Variants in PRSS35 observed in about 807,000 individuals in gnomAD.
The protein encoded by PRSS35 is serine protease 35, also known as inactive serine protease 35.
A neutral mutation model predicts 8.1 loss-of-function variants in PRSS35; 7 were observed. That is an observed-to-expected ratio of 0.86 (90% CI 0.49 to 1.62). PRSS35 has a LOEUF of 1.62. Among genes scored for constraint, PRSS35 ranks in the 40% most tolerant of loss-of-function variants. The pLI, the probability that PRSS35 is intolerant of heterozygous loss-of-function variation, is 0.00. For synonymous variants in PRSS35, 199 were observed against 188.7 expected (o/e 1.05, Z -0.45); for missense variants, 566 against 518.0 (o/e 1.09, Z -0.90).
In PRSS35 at chr6:83,523,649, C is replaced by G; in HGVS notation, c.208C>G (p.Leu70Val). 6.2e-7 allele frequency: 1 copy of G among 1,614,184 alleles called. No homozygotes were observed. The highest frequency in any genetic ancestry group is 8.5e-7 in the Non-Finnish European group (1 of 1,180,030). The change falls in exon 2 of 2, where the codon CTC becomes GTC. Residue 70 changes from leucine to valine, a missense_variant. Leu to Val is a conservative substitution (Grantham distance 32, BLOSUM62 1). Coordinates refer to ENST00000369700, the MANE Select transcript of PRSS35 (RefSeq NM_153362.3). ...GTGTGGCATCGAATGCCAGAAAGAA[C>G]TCCCAACTCCCAGCCTTTCTGAATT... Reference protein sequence around the residue: ...TVCGIECQKELPTPSLSELED... With the variant: ...TVCGIECQKEVPTPSLSELED...
At chr6:83,516,399 C>G (rs1460629779) in intron 1 of PRSS35, among the ~76,000 whole-genome samples, 5 of 151,292 alleles carry the variant, frequency 3.3e-5, no homozygotes, top group East Asian at 2.0e-4. Context: ...ACGGTGACAC[C>G]CCATCTCTAC....
At chr6:83,520,318 A>G (rs1003246333) in intron 1 of PRSS35, among the ~76,000 whole-genome samples, 1 of 152,096 alleles carries the variant, frequency 6.6e-6, no homozygotes, top group Non-Finnish European at 1.5e-5. Context: ...CTTAACCTTT[A>G]TTGAGTGTCA....
intron 1 of PRSS35, among the ~76,000 whole-genome samples, chr6:83,519,101 G>A (rs1771774218): frequency 6.6e-6 from 1 of 152,022 alleles, no homozygotes; most frequent in Admixed American, 6.6e-5. Context: ...ATAACAAAAG[G>A]GTAATAGTAA....
chr6:83,518,623 C>T (rs752424763), intron 1 of PRSS35, among the ~76,000 whole-genome samples: 7 of 152,038 alleles, frequency 4.6e-5, no homozygotes, highest in East Asian at 1.9e-4. Flanking sequence ...AAAGAAAAAG[C>T]GAATTTTAGA....
chr6:83,517,879 A>G (rs1307962244), intron 1 of PRSS35, among the ~76,000 whole-genome samples: 5 of 152,198 alleles, frequency 3.3e-5, no homozygotes, highest in Non-Finnish European at 7.3e-5. Flanking sequence ...GGTCATTGAT[A>G]TGACTGAGTA....
Position 83,523,440 on chromosome 6 carries a change from A to G in PRSS35, c.-2A>G. On this transcript the variant is annotated 5_prime_UTR_variant, in exon 2 of 2. Coordinates refer to ENST00000369700, the MANE Select transcript of PRSS35 (RefSeq NM_153362.3). ...TTTTAAGGACAAAATTAGAAGATCA[A>G]AATGGAAAATATGCTGCTTTGGTTG... 1 of 1,603,856 alleles carries G rather than the reference A, an allele frequency of 6.2e-7. No homozygotes were observed. The highest frequency in any genetic ancestry group is 1.1e-5 in the South Asian group (1 of 88,952).
intron 1 of PRSS35, among the ~76,000 whole-genome samples, chr6:83,520,672 A>C (rs1208753793): frequency 6.6e-6 from 1 of 152,232 alleles, no homozygotes; most frequent in Non-Finnish European, 1.5e-5. Context: ...AATAGCATTG[A>C]AAATTTCCAA....
intron 1 of PRSS35, among the ~76,000 whole-genome samples, chr6:83,517,662 AGGT>A (rs2127713008): frequency 6.6e-6 from 1 of 152,312 alleles, no homozygotes; most frequent in South Asian, 2.1e-4. Context: ...AATCCTGAGT[AGGT>A]GGAGGATGAA....
At chr6:83,520,435 T>C (rs9449649) in intron 1 of PRSS35, among the ~76,000 whole-genome samples, 28,097 of 152,138 alleles carry the variant, frequency 0.18, 2,931 homozygotes, top group African/African-American at 0.27. Context: ...ATTAGCATTT[T>C]TAACAAGTTT....
chr6:83,525,266 G>A lies in PRSS35; in HGVS notation c.*583G>A, dbSNP rs1434814993. The stretch of plus-strand genomic sequence containing the variant: ...AATTACAAATCAGAAGAAAAAGCAA[G>A]CATTATAAACAAAACTAATAACTGT... On this transcript the variant is annotated 3_prime_UTR_variant, in exon 2 of 2. Coordinates refer to ENST00000369700, the MANE Select transcript of PRSS35 (RefSeq NM_153362.3). 5 of 166,836 alleles carry A rather than the reference G, an allele frequency of 3.0e-5. No individual in the cohort carries two copies. Among genetic ancestry groups the A allele is most frequent in the African/African-American group, 4.8e-5 (2 of 41,412 alleles). 10.3% of individuals were successfully genotyped at this position (166,836 alleles called of 1,614,324 possible).
chr6:83,512,932 C>T (rs1029134988), intron 1 of PRSS35, among the ~76,000 whole-genome samples: 1 of 152,144 alleles, frequency 6.6e-6, no homozygotes, highest in Non-Finnish European at 1.5e-5. Context: ...AAATGGAATT[C>T]TTTCTGCTTA....
chr6:83,521,676 T>C (rs546534883), intron 1 of PRSS35, among the ~76,000 whole-genome samples: 101 of 151,994 alleles, frequency 6.6e-4, no homozygotes, highest in African/African-American at 2.3e-3. Flanking sequence ...TTTTAAAAGT[T>C]TTTTTTGTAG....
At position 83,514,539 on chromosome 6, in the gene PRSS35, G is replaced by A. The variant is rs544434294; in HGVS notation, c.-21+1845G>A. Among the ~76,000 whole-genome samples the A allele has an allele frequency of 5.9e-5, 9 of 152,224 alleles. No individual in the cohort carries two copies. The South Asian group carries it at 1.9e-3, about 32-fold the overall frequency. On this transcript the variant is annotated intron_variant, in intron 1 of 1. Transcript: ENST00000369700. Reference sequence around the variant, plus strand: ...AACTAAACTTGAAAATAGTGCTATGGTATGATATTTTGAATAGAAATTGGC... The same window carrying A: ...AACTAAACTTGAAAATAGTGCTATGATATGATATTTTGAATAGAAATTGGC...
In PRSS35 at chr6:83,524,827, C is replaced by T. The variant is rs1345755259; in HGVS notation, c.*144C>T. The T allele has an allele frequency of 7.3e-6, 7 of 959,876 alleles. No individual in the cohort carries two copies. The South Asian group carries it at 8.0e-5, about 11-fold the overall frequency. 59.5% of individuals were successfully genotyped at this position (959,876 alleles called of 1,614,324 possible). On this transcript the variant is annotated 3_prime_UTR_variant, in exon 2 of 2. Transcript: ENST00000369700. ...ACATTTTTCAAAATCAGGAGATTTTCGTCCATTTAAAAAATGTATAGGTGC... is the reference window on the plus strand; with the variant it reads ...ACATTTTTCAAAATCAGGAGATTTTTGTCCATTTAAAAAATGTATAGGTGC...
chr6:83,523,419 A>T lies in PRSS35; in HGVS notation c.-20-3A>T, dbSNP rs1455450948. On this transcript the variant is annotated splice_region_variant and splice_polypyrimidine_tract_variant and intron_variant, in intron 1 of 1. Coordinates refer to ENST00000369700, the MANE Select transcript of PRSS35 (RefSeq NM_153362.3). ...TAAACCTCTCTCTTTTTCTATTTTT[A>T]AGGACAAAATTAGAAGATCAAAATG... 2 of 1,579,496 alleles carry T rather than the reference A, an allele frequency of 1.3e-6. No individual in the cohort carries two copies. The highest frequency in any genetic ancestry group is 1.9e-5 in the Admixed American group (1 of 53,188).
At chr6:83,516,522 G>A (rs1335319460) in intron 1 of PRSS35, among the ~76,000 whole-genome samples, 2 of 146,266 alleles carry the variant, frequency 1.4e-5, no homozygotes. Context: ...CTTGCAGTGA[G>A]CCGAGATCAC....
intron 1 of PRSS35, among the ~76,000 whole-genome samples, chr6:83,513,857 TGA>T (rs1771667398): frequency 6.6e-6 from 1 of 151,878 alleles, no homozygotes; most frequent in Admixed American, 6.6e-5. Flanking sequence ...ATTGCTAGTG[TGA>T]GTTAATTTTC....
rs1479107979 is a variant in PRSS35, at chr6:83,523,776, C to A, written c.335C>A (p.Thr112Asn). The A allele has an allele frequency of 6.2e-7, 1 of 1,614,040 alleles. No homozygotes were observed. The highest frequency in any genetic ancestry group is 8.5e-7 in the Non-Finnish European group (1 of 1,180,044). The change falls in exon 2 of 2, where the codon ACC (threonine) becomes AAC (asparagine). Residue 112 changes from threonine to asparagine, a missense_variant. Thr to Asn is a moderately conservative substitution (Grantham distance 65). Transcript: ENST00000369700. Reference sequence around the variant, plus strand: ...GTTCTTGAGCCGACTCAAAATATCACCACAAAGGGAGTATCTGTTAGGAGA... The same window carrying A: ...GTTCTTGAGCCGACTCAAAATATCAACACAAAGGGAGTATCTGTTAGGAGA... ...DLVLEPTQNI[T>N]TKGVSVRRKR...
intron 1 of PRSS35, among the ~76,000 whole-genome samples, chr6:83,519,281 G>A (rs565790364): frequency 6.6e-6 from 1 of 152,272 alleles, no homozygotes; most frequent in African/African-American, 2.4e-5. Flanking sequence ...TCAGCTGTGT[G>A]TATGCTGACT....
Sources: allele counts gnomAD v4.1 joint callset (sites outside exome capture counted in the v4.1 genomes callset), GRCh38; gene constraint gnomAD v4.1.1; transcripts MANE v1.5; gene names NCBI Gene and HGNC (gene_info 2026-07-23, HGNC 2026-07-21).